Variants in RAB37 observed in about 807,000 individuals in gnomAD.
RAB37 encodes the protein ras-related protein Rab-37.
Under a neutral mutation model 33.1 loss-of-function variants are expected in RAB37, and 29 were observed. The ratio of observed to expected loss-of-function variants is 0.88; its 90% CI spans 0.65 to 1.20. The LOEUF is 1.20. RAB37 is among the 50% of genes most tolerant of loss of function. The pLI is 0.00. For synonymous variants in RAB37, 128 were observed against 119.5 expected, an observed-to-expected ratio of 1.07 and a Z score of -0.47; for missense variants, 299 against 301.1, an observed-to-expected ratio of 0.99 and a Z score of 0.05.
chr17:74,718,567 A>G (rs1296324522), intron 1 of RAB37, among the ~76,000 whole-genome samples: 1 of 152,068 alleles, frequency 6.6e-6, no homozygotes, highest in African/African-American at 2.4e-5. Context: ...GGCTAGATGT[A>G]TTTGGAAAAA....
upstream of RAB37, among the ~76,000 whole-genome samples, chr17:74,733,621 G>T (rs898666178): frequency 7.0e-6 from 1 of 142,772 alleles, no homozygotes; most frequent in African/African-American, 2.7e-5. Flanking sequence ...ACACGTGTGA[G>T]TGTCTGTGGT....
chr17:74,737,941 C>T (rs567319951), intron 1 of RAB37, among the ~76,000 whole-genome samples: 3 of 152,128 alleles, frequency 2.0e-5, no homozygotes, highest in Non-Finnish European at 4.4e-5. Context: ...GCCTGCAGGT[C>T]ACTTGGGAAT....
intron 1 of RAB37, among the ~76,000 whole-genome samples, chr17:74,684,608 C>T (rs1157257243): frequency 6.6e-6 from 1 of 151,842 alleles, no homozygotes. Flanking sequence ...ACCAACATGA[C>T]GAAACCCTGT....
chr17:74,703,124 G>C (rs2033213603), intron 1 of RAB37: 2 of 1,613,694 alleles, frequency 1.2e-6, no homozygotes, highest in African/African-American at 2.7e-5. Flanking sequence ...AGGTAGGCGT[G>C]GTGGGGGCAG....
chr17:74,726,366 C>T lies in RAB37; in HGVS notation c.73-2890C>T, dbSNP rs565737878. 3.9e-5 allele frequency among the ~76,000 whole-genome samples: 6 copies of T among 151,990 alleles called. No homozygotes were observed. In the East Asian group the frequency reaches 7.7e-4, roughly 20 times the overall value. On this transcript the variant is annotated intron_variant, in intron 1 of 7. Transcript: ENST00000340415. ...GACCTCAGTGAGCTGGAAAATGTCCCGAGAAGACAGGACTGTTTCCTATGA... is the reference window on the plus strand; with the variant it reads ...GACCTCAGTGAGCTGGAAAATGTCCTGAGAAGACAGGACTGTTTCCTATGA...
chr17:74,704,378 G>T, intron 1 of RAB37: 1 of 889,204 alleles, frequency 1.1e-6, no homozygotes, highest in Non-Finnish European at 1.7e-6. Context: ...GGACTCAAGT[G>T]ATAGATCACT....
intron 1 of RAB37, among the ~76,000 whole-genome samples, chr17:74,675,253 G>A (rs2031802365): frequency 6.6e-6 from 1 of 151,992 alleles, no homozygotes; most frequent in Non-Finnish European, 1.5e-5. Context: ...TGGCCAACAT[G>A]GTGAAACCCC....
Position 74,744,682 on chromosome 17 carries a change from C to A in RAB37, c.433-191C>A. The A allele has an allele frequency of 1.5e-6, 1 of 684,318 alleles. No homozygotes were observed. Among genetic ancestry groups the A allele is most frequent in the Non-Finnish European group, 2.5e-6 (1 of 394,372 alleles). 42.4% of individuals were successfully genotyped at this position (684,318 alleles called of 1,614,324 possible). ...CCCCAACTGCTGTCCTATTCCAAGA[C>A]CCTTTACCAAAGGTGAGATCCCAGA... On this transcript the variant is annotated intron_variant, in intron 6 of 8. Transcript: ENST00000392613. This position sits in a 1 kb window ranked among gnomAD's most constrained non-coding sequence, Gnocchi z 4.2.
In RAB37 at chr17:74,718,936, A is replaced by C. The variant is rs190231307; in HGVS notation, c.73-10320A>C. 2.1e-4 allele frequency among the ~76,000 whole-genome samples: 32 copies of C among 152,306 alleles called. No individual in the cohort carries two copies. In the East Asian group the frequency reaches 5.6e-3, roughly 27 times the overall value. ...TACCTTTATTAGGGCATTTTAATAC[A>C]GGAAAAACATAAAAAGTATGGCAGT... On this transcript the variant is annotated intron_variant, in intron 1 of 7. Coordinates refer to the RAB37 transcript ENST00000340415.
chr17:74,714,618 G>A (rs753655854), intron 1 of RAB37, among the ~76,000 whole-genome samples: 3 of 152,218 alleles, frequency 2.0e-5, no homozygotes, highest in Middle Eastern at 3.4e-3. Context: ...GTACCAGGGG[G>A]TCTACCTGAG....
intron 1 of RAB37, among the ~76,000 whole-genome samples, chr17:74,689,985 T>C (rs1446648263): frequency 6.6e-6 from 1 of 152,134 alleles, no homozygotes. Context: ...GAGGCCTCAC[T>C]CTGTCCCTGA....
chr17:74,691,747 T>C (rs2032160322), intron 1 of RAB37, among the ~76,000 whole-genome samples: 1 of 152,208 alleles, frequency 6.6e-6, no homozygotes, highest in African/African-American at 2.4e-5. Flanking sequence ...AACATAAGCA[T>C]ATACTTATAC....
chr17:74,720,905 G>A (rs1237671128), intron 1 of RAB37, among the ~76,000 whole-genome samples: 1 of 152,164 alleles, frequency 6.6e-6, no homozygotes, highest in Non-Finnish European at 1.5e-5. Context: ...GCTGGAAAAG[G>A]GATGGTGTGG....
intron 1 of RAB37, among the ~76,000 whole-genome samples, chr17:74,714,841 G>A (rs924531551): frequency 6.6e-6 from 1 of 152,168 alleles, no homozygotes; most frequent in Non-Finnish European, 1.5e-5. Context: ...ATTAGGAAGG[G>A]CCAGACTCAG....
At position 74,681,696 on chromosome 17, in the gene RAB37, G is replaced by T. The variant is rs140728463; in HGVS notation, c.72+10038G>T. ...CCTGAAACCAGGTCTCCTCCAGACA[G>T]CAGGCACATGAGAACCAGCATAGCA... On this transcript the variant is annotated intron_variant, in intron 1 of 7. Transcript: ENST00000340415. Among the ~76,000 whole-genome samples the T allele has an allele frequency of 2.7e-3, 404 of 152,304 alleles. 5 individuals carry two copies. Among genetic ancestry groups the T allele is most frequent in the Non-Finnish European group, 4.0e-4 (27 of 68,028 alleles).
chr17:74,703,200 A>C, intron 1 of RAB37: 1 of 1,423,946 alleles, frequency 7.0e-7, no homozygotes, highest in Admixed American at 1.8e-5. Flanking sequence ...CCATGAGCCC[A>C]CCCGCAGCCC....
Position 74,714,431 on chromosome 17 carries a change from A to G in RAB37, c.73-14825A>G, listed in dbSNP as rs557130720. Among the ~76,000 whole-genome samples, 299 of 150,844 alleles carry G rather than the reference A, an allele frequency of 2.0e-3. 2 individuals are homozygous for G. The highest frequency in any genetic ancestry group is 6.1e-3 in the African/African-American group (251 of 40,816). On this transcript the variant is annotated intron_variant, in intron 1 of 7. Coordinates refer to the RAB37 transcript ENST00000340415. ...CACACACACACACACACACACACAC[A>G]CACGCACGCACAGAGAGGTTCAGAG...
intron 1 of RAB37, among the ~76,000 whole-genome samples, chr17:74,707,620 T>C (rs2033620742): frequency 6.7e-6 from 1 of 149,956 alleles, no homozygotes; most frequent in East Asian, 2.0e-4. Context: ...GAGGCTGAGG[T>C]GGGAGAATCG....
intron 2 of RAB37, among the ~76,000 whole-genome samples, chr17:74,741,517 T>C (rs1195829529): frequency 4.2e-5 from 6 of 144,104 alleles, no homozygotes; most frequent in Admixed American, 2.9e-4. Flanking sequence ...ATCCGGGTGG[T>C]GGAGGTTGCA....
Sources: allele counts gnomAD v4.1 joint callset (sites outside exome capture counted in the v4.1 genomes callset), GRCh38; gene constraint gnomAD v4.1.1; non-coding constraint Gnocchi (gnomAD v3.1); transcripts MANE v1.5; gene names NCBI Gene and HGNC (gene_info 2026-07-23, HGNC 2026-07-21).